The following CDC42BPA variants were observed in gnomAD, a reference collection of about 807,000 sequenced individuals.
CDC42BPA encodes the protein serine/threonine-protein kinase MRCK alpha.
A neutral mutation model predicts 223.5 loss-of-function variants in CDC42BPA; 80 were observed. The ratio of observed to expected loss-of-function variants is 0.36; its 90% CI spans 0.30 to 0.43. CDC42BPA has a LOEUF of 0.43. CDC42BPA is among the 20% of genes least tolerant of loss of function. The pLI is 1.00. For synonymous variants in CDC42BPA, 694 were observed against 718.6 expected (o/e 0.97, Z 0.55); for missense variants, 1,743 against 2,099.9 (o/e 0.83, Z 3.32).
rs1009229448 is a variant in CDC42BPA, at chr1:227,040,190, T to C, written c.3140A>G (p.Lys1047Arg). ...CATCAAGGAGGTACACTGATGACAC[T>C]TGGTAGGAGTAGTAAAAGATTTTAC... ...FFVKSFTTPT[K>R]CHQCTSLMVG... The change falls in exon 24 of 37, where the codon AAG (lysine) becomes AGG (arginine). Residue 1047 changes from lysine to arginine, a missense_variant. Coordinates refer to ENST00000366766, the MANE Select transcript of CDC42BPA (RefSeq NM_001394014.1). 5 of 1,613,264 alleles carry C rather than the reference T, an allele frequency of 3.1e-6. No homozygotes were observed. Among genetic ancestry groups the C allele is most frequent in the Non-Finnish European group, 4.2e-6 (5 of 1,179,472 alleles).
chr1:227,068,616 TA>T, intron 21 of CDC42BPA: 1 of 1,003,054 alleles, frequency 1.0e-6, no homozygotes, highest in Non-Finnish European at 1.3e-6. Context: ...TGATCTTTTT[TA>T]CTGAAGGATG....
chr1:227,049,978 G>C (rs1026962624), intron 22 of CDC42BPA, among the ~76,000 whole-genome samples: 4 of 151,874 alleles, frequency 2.6e-5, no homozygotes, highest in Non-Finnish European at 5.9e-5. Flanking sequence ...GACATAAAAA[G>C]CAGAAGTCAT....
chr1:227,145,690 A>G lies in CDC42BPA; in HGVS notation c.942T>C (p.Ala314=). ...PAQVTDVSEN[A]KDLIRRLICS... Reference sequence around the variant, plus strand: ...AAATGAGCCTTCGAATAAGATCCTTAGCATTTTCAGACACATCAGTCACTT... The same window carrying G: ...AAATGAGCCTTCGAATAAGATCCTTGGCATTTTCAGACACATCAGTCACTT... Residue 314 remains alanine, a synonymous_variant, in exon 8 of 37, where the codon GCT becomes GCC. Transcript: ENST00000366766. 2 of 1,613,726 alleles carry G rather than the reference A, an allele frequency of 1.2e-6. No homozygotes were observed. The highest frequency in any genetic ancestry group is 1.7e-6 in the Non-Finnish European group (2 of 1,179,664).
chr1:227,254,269 C>A, intron 1 of CDC42BPA, 114 bp from the exon 2 acceptor site: 1 of 568,770 alleles, frequency 1.8e-6, no homozygotes. Flanking sequence ...TAAGAATTGT[C>A]AAAATATTTA....
chr1:227,168,741 T>C (rs1025747619), intron 5 of CDC42BPA, among the ~76,000 whole-genome samples: 8 of 151,856 alleles, frequency 5.3e-5, no homozygotes, highest in Non-Finnish European at 1.0e-4. Flanking sequence ...TCGTGATCCA[T>C]CCGCCTCGGC....
intron 1 of CDC42BPA, among the ~76,000 whole-genome samples, chr1:227,289,037 A>G (rs1345518908): frequency 3.3e-5 from 5 of 152,136 alleles, no homozygotes; most frequent in African/African-American, 1.2e-4. Context: ...AAAATTAAAT[A>G]AAATGATATC....
At chr1:227,288,636 C>T (rs919153877) in intron 1 of CDC42BPA, among the ~76,000 whole-genome samples, 2 of 151,756 alleles carry the variant, frequency 1.3e-5, no homozygotes, top group Non-Finnish European at 2.9e-5. Flanking sequence ...GCGGGGGTTG[C>T]AGTGAGCCAA....
intron 1 of CDC42BPA, among the ~76,000 whole-genome samples, chr1:227,286,177 G>A (rs529600085): frequency 6.6e-6 from 1 of 152,186 alleles, no homozygotes; most frequent in African/African-American, 2.4e-5. Context: ...ACCAGACTGA[G>A]ATTTTTCCAA....
At chr1:227,136,442 G>A (rs936416777) in intron 10 of CDC42BPA, among the ~76,000 whole-genome samples, 1 of 152,172 alleles carries the variant, frequency 6.6e-6, no homozygotes, top group Non-Finnish European at 1.5e-5. Context: ...CAGAAGGAGA[G>A]GAGAAAGTGC....
At chr1:227,108,635 C>T (rs1686348074) in intron 14 of CDC42BPA, among the ~76,000 whole-genome samples, 1 of 152,104 alleles carries the variant, frequency 6.6e-6, no homozygotes, top group South Asian at 2.1e-4. Context: ...GCACTGATTC[C>T]AGGACCCTAC....
chr1:227,112,741 A>G lies in CDC42BPA; in HGVS notation c.1820T>C (p.Val607Ala). The change falls in exon 13 of 37, where the codon GTG becomes GCG. Residue 607 changes from valine to alanine, a missense_variant. Physicochemically the swap from Val to Ala is moderately conservative, Grantham distance 64. This residue lies in a region of CDC42BPA where 464 missense variants were observed against 488.0 expected (regional missense o/e 0.95). Transcript: ENST00000366766. The part of the protein sequence containing the change: ...ARHVRDKEEE[V>A]DLVMQKVESL... ...TTCAACTTTTTGCATCACCAGGTCC[A>G]CCTCTTCTTCCTTATCTCGGACATG... The G allele has an allele frequency of 1.2e-6, 2 of 1,613,440 alleles. No homozygotes were observed. The highest frequency in any genetic ancestry group is 1.7e-6 in the Non-Finnish European group (2 of 1,179,822).
intron 11 of CDC42BPA, 48 bp downstream of exon 11, chr1:227,129,061 T>G: frequency 6.3e-6 from 8 of 1,262,272 alleles, no homozygotes; most frequent in Non-Finnish European, 9.0e-6. Flanking sequence ...ATAAACCATT[T>G]TTTAAACATT....
chr1:227,082,296 T>C (rs946521553), intron 16 of CDC42BPA, among the ~76,000 whole-genome samples: 7 of 152,152 alleles, frequency 4.6e-5, no homozygotes, highest in African/African-American at 1.4e-4. Flanking sequence ...ATCTGCCCGC[T>C]GTGGCCTCCC....
intron 3 of CDC42BPA, among the ~76,000 whole-genome samples, chr1:227,207,829 T>C (rs1386714533): frequency 1.1e-4 from 13 of 123,094 alleles, no homozygotes; most frequent in East Asian, 4.5e-4. Context: ...TAAACATACG[T>C]GTGCATGTGT....
chr1:227,025,814 T>A (rs1668147679), intron 31 of CDC42BPA, among the ~76,000 whole-genome samples: 1 of 152,178 alleles, frequency 6.6e-6, no homozygotes, highest in Non-Finnish European at 1.5e-5. Context: ...TAGTTGTTCA[T>A]AATAATAACA....
chr1:227,135,398 TTCA>T (rs1266704867), intron 10 of CDC42BPA, among the ~76,000 whole-genome samples: 3 of 152,082 alleles, frequency 2.0e-5, no homozygotes, highest in African/African-American at 7.2e-5. Flanking sequence ...GGCCAGTCTC[TTCA>T]TCAAGACACC....
intron 6 of CDC42BPA, among the ~76,000 whole-genome samples, chr1:227,151,291 T>C (rs1441568892): frequency 9.2e-5 from 14 of 152,258 alleles, no homozygotes; most frequent in Admixed American, 8.5e-4. Flanking sequence ...ATTAACATAA[T>C]GTCCTAAGGT....
intron 34 of CDC42BPA, chr1:227,010,839 T>C (rs1346107919): frequency 1.6e-6 from 2 of 1,233,824 alleles, no homozygotes; most frequent in African/African-American, 1.6e-5. Flanking sequence ...AATCCATACA[T>C]GGTTAGTGAA....
rs1487574823 is a variant in CDC42BPA, at chr1:227,133,451, A to G, written c.1391-4220T>C. 5.3e-5 allele frequency among the ~76,000 whole-genome samples: 8 copies of G among 152,280 alleles called. No individual in the cohort carries two copies. The East Asian group carries it at 5.8e-4, about 11-fold the overall frequency. On this transcript the variant is annotated intron_variant, in intron 10 of 36. Transcript: ENST00000366766. ...AGCCCCTCTGCCCGGCCACGACCCC[A>G]TCTGGGAGGTGTACCCAACAGCTCA...
Sources: gnomAD v4.1 joint callset for allele counts (sites outside exome capture counted in the v4.1 genomes callset) on GRCh38, gnomAD v4.1.1 for gene constraint, gnomAD v4.1.1 regional missense constraint, MANE v1.5 for transcripts, NCBI Gene and HGNC (gene_info 2026-07-23, HGNC 2026-07-21) for gene names.